Variants in CNTNAP2 observed in about 807,000 individuals in gnomAD.
CNTNAP2 encodes the protein contactin-associated protein-like 2.
CNTNAP2 carries 98 observed loss-of-function variants against 155.2 expected under a neutral mutation model. The ratio of observed to expected loss-of-function variants is 0.63; its 90% CI spans 0.54 to 0.75. The LOEUF (loss-of-function observed/expected upper bound fraction) is 0.75, where lower values mean the gene tolerates loss of function less well. Ranked by LOEUF, CNTNAP2 falls within the 30% of genes least tolerant of loss-of-function variation. CNTNAP2 has a pLI of 0.00. For synonymous variants in CNTNAP2, 651 were observed against 631.2 expected (o/e 1.03, Z -0.47); for missense variants, 1,727 against 1,688.1 (o/e 1.02, Z -0.40).
chr7:146,605,363 A>G (rs1423240344), intron 1 of CNTNAP2, among the ~76,000 whole-genome samples: 1 of 151,324 alleles, frequency 6.6e-6, no homozygotes, highest in African/African-American at 2.4e-5. Context: ...GAGATTAAAC[A>G]CCTTGCTCTG....
chr7:147,275,246 G>A (rs1804869473), intron 8 of CNTNAP2, among the ~76,000 whole-genome samples: 2 of 151,824 alleles, frequency 1.3e-5, no homozygotes, highest in Non-Finnish European at 2.9e-5. Flanking sequence ...AGATTGCTTT[G>A]GGGCAGTATA....
At chr7:147,199,448 T>C (rs1398603611) in intron 8 of CNTNAP2, among the ~76,000 whole-genome samples, 1 of 152,228 alleles carries the variant, frequency 6.6e-6, no homozygotes, top group Non-Finnish European at 1.5e-5. Context: ...TAATATACTA[T>C]GAAAGCTAAA....
chr7:148,154,552 G>A (rs1805364461), intron 17 of CNTNAP2, among the ~76,000 whole-genome samples: 1 of 152,138 alleles, frequency 6.6e-6, no homozygotes, highest in Admixed American at 6.5e-5. Context: ...GTGTGTGAAG[G>A]AGAAAAATAG....
rs538825052 is a variant in CNTNAP2, at chr7:146,723,458, T to G, written c.98-50813T>G. ...GGAACTAAAGGAGTTAGAAACCTTT[T>G]CATACTTATTTAGACTTACTAAAAT... On this transcript the variant is annotated intron_variant, in intron 1 of 23. Transcript: ENST00000361727. Among the ~76,000 whole-genome samples, 4 of 152,326 alleles carry G rather than the reference T, an allele frequency of 2.6e-5. No individual in the cohort carries two copies. In the South Asian group the frequency reaches 8.3e-4, roughly 32 times the overall value.
chr7:147,258,478 AT>A (rs553230696), intron 8 of CNTNAP2, among the ~76,000 whole-genome samples: 18 of 150,614 alleles, frequency 1.2e-4, no homozygotes, highest in East Asian at 7.8e-4. Context: ...TTTCCTTCAC[AT>A]TTTTTTTTGC....
chr7:146,879,213 T>G (rs758717558), intron 3 of CNTNAP2, among the ~76,000 whole-genome samples: 12 of 152,190 alleles, frequency 7.9e-5, no homozygotes, highest in Non-Finnish European at 1.6e-4. Context: ...TTCTGACTAT[T>G]AATTCTAGTT....
At chr7:146,736,588 C>CTAAA (rs1185040027) in intron 1 of CNTNAP2, among the ~76,000 whole-genome samples, 1 of 152,148 alleles carries the variant, frequency 6.6e-6, no homozygotes, top group Non-Finnish European at 1.5e-5. Flanking sequence ...GTTGCTGCTA[C>CTAAA]TAAAGGGCAG....
intron 13 of CNTNAP2, among the ~76,000 whole-genome samples, chr7:147,752,873 G>A (rs190099557): frequency 6.6e-6 from 1 of 152,270 alleles, no homozygotes; most frequent in Admixed American, 6.5e-5. Context: ...CAGTCAGAGG[G>A]CATGGCATGG....
At chr7:147,978,139 G>A in intron 15 of CNTNAP2, 150 bp downstream of exon 15, 2 of 1,121,038 alleles carry the variant, frequency 1.8e-6, no homozygotes, top group Non-Finnish European at 2.6e-6. Context: ...CTTAGAGGAG[G>A]GGAACAGCCA....
intron 15 of CNTNAP2, among the ~76,000 whole-genome samples, chr7:148,078,118 C>A (rs1803529835): frequency 6.6e-6 from 1 of 151,918 alleles, no homozygotes; most frequent in Non-Finnish European, 1.5e-5. Flanking sequence ...GGCTGGAGTG[C>A]AGTGGTGTGA....
chr7:147,005,772 C>A (rs1037918547), intron 3 of CNTNAP2, among the ~76,000 whole-genome samples: 2 of 152,024 alleles, frequency 1.3e-5, no homozygotes, highest in Non-Finnish European at 2.9e-5. Context: ...ATGGAACATT[C>A]CTTTAGAGAT....
chr7:148,373,673 A>G (rs1306662751), intron 21 of CNTNAP2, among the ~76,000 whole-genome samples: 1 of 152,200 alleles, frequency 6.6e-6, no homozygotes. Flanking sequence ...CTTGACCACA[A>G]AAATGTCATG....
intron 16 of CNTNAP2, among the ~76,000 whole-genome samples, chr7:148,143,981 T>C (rs1262178021): frequency 6.6e-6 from 1 of 152,170 alleles, no homozygotes; most frequent in Admixed American, 6.5e-5. Context: ...AGATCCATCC[T>C]GTGGGCCTTG....
At position 146,116,860 on chromosome 7, in the gene CNTNAP2, C is replaced by A. The variant is rs1207308481; in HGVS notation, c.-17C>A. 6.5e-7 allele frequency: 1 copy of A among 1,537,828 alleles called. No homozygotes were observed. Among genetic ancestry groups the A allele is most frequent in the East Asian group, 2.5e-5 (1 of 40,648 alleles). ...CCGCAGCGAGCTCTTGGAGCGCCGCCGGCCGGGAGGCGAAGGATGCAGGCG... is the reference window on the plus strand; with the variant it reads ...CCGCAGCGAGCTCTTGGAGCGCCGCAGGCCGGGAGGCGAAGGATGCAGGCG... On this transcript the variant is annotated 5_prime_UTR_variant, in exon 1 of 24. Coordinates refer to ENST00000361727, the MANE Select transcript of CNTNAP2 (RefSeq NM_014141.6). The surrounding 1 kb of genome is among the most constrained non-coding windows in gnomAD (Gnocchi z 5.5).
At chr7:147,583,445 T>C (rs2116830338) in intron 12 of CNTNAP2, among the ~76,000 whole-genome samples, 1 of 149,220 alleles carries the variant, frequency 6.7e-6, no homozygotes, top group East Asian at 2.0e-4. Flanking sequence ...TTCCAAACTT[T>C]TAAAATGGAA....
At chr7:147,074,140 C>T (rs572654738) in intron 4 of CNTNAP2, among the ~76,000 whole-genome samples, 54 of 152,268 alleles carry the variant, frequency 3.5e-4, no homozygotes, top group African/African-American at 1.1e-3. Flanking sequence ...CCAACATTTT[C>T]AGTGGCAGCC....
intron 1 of CNTNAP2, among the ~76,000 whole-genome samples, chr7:146,495,181 A>C (rs1442586917): frequency 6.6e-6 from 1 of 152,236 alleles, no homozygotes; most frequent in Admixed American, 6.5e-5. Context: ...CCCTAGTTAC[A>C]ATGGCATTTT....
intron 1 of CNTNAP2, among the ~76,000 whole-genome samples, chr7:146,197,076 A>G (rs973294129): frequency 6.6e-6 from 1 of 152,160 alleles, no homozygotes; most frequent in Non-Finnish European, 1.5e-5. Context: ...TACTGGAAAA[A>G]AAATGGAAAG....
At chr7:146,352,867 G>T (rs1013910370) in intron 1 of CNTNAP2, among the ~76,000 whole-genome samples, 1 of 144,372 alleles carries the variant, frequency 6.9e-6, no homozygotes, top group Non-Finnish European at 1.5e-5. Context: ...CCATTCTCCT[G>T]CCTCAGCCTC....
Sources: allele counts gnomAD v4.1 joint callset (sites outside exome capture counted in the v4.1 genomes callset), GRCh38; gene constraint gnomAD v4.1.1; non-coding constraint Gnocchi (gnomAD v3.1); transcripts MANE v1.5; gene names NCBI Gene and HGNC (gene_info 2026-07-23, HGNC 2026-07-21).